CRISPLD2: variants seen among roughly 807,000 people sequenced by gnomAD.
CRISPLD2 encodes cysteine-rich secretory protein LCCL domain-containing 2.
Under a neutral mutation model 71.1 loss-of-function variants are expected in CRISPLD2, and 47 were observed. That is an observed-to-expected ratio of 0.66 (90% confidence interval 0.52 to 0.84). The LOEUF (loss-of-function observed/expected upper bound fraction) is 0.84, where lower values mean the gene tolerates loss of function less well. Ranked by LOEUF, CRISPLD2 falls within the 40% of genes least tolerant of loss-of-function variation. CRISPLD2 has a pLI of 0.00. For missense variants in CRISPLD2, 830 were observed against 651.1 expected, an observed-to-expected ratio of 1.27 and a Z score of -2.99; for synonymous variants, 317 against 250.1, an observed-to-expected ratio of 1.27 and a Z score of -2.52.
chr16:84,845,633 G>A (rs995055307), intron 2 of CRISPLD2, among the ~76,000 whole-genome samples, 153 bp from the exon 3 acceptor site: 1 of 152,204 alleles, frequency 6.6e-6, no homozygotes, highest in African/African-American at 2.4e-5. Flanking sequence ...GGCCTGCCAC[G>A]CCCCCCTGGC....
Position 84,889,217 on chromosome 16 carries a change from C to T in CRISPLD2, c.1306-13C>T, listed in dbSNP as rs376634604. On this transcript the variant is annotated splice_polypyrimidine_tract_variant and intron_variant, in intron 13 of 14. Transcript: ENST00000262424. ...ATCCGCATCGCTGATCACAGCCCTT[C>T]CTGTGCTTCCAGACCTCAAGCATCT... 6.8e-6 allele frequency: 11 copies of T among 1,613,908 alleles called. No individual in the cohort carries two copies. The highest frequency in any genetic ancestry group is 1.3e-5 in the African/African-American group (1 of 74,918).
intron 14 of CRISPLD2, among the ~76,000 whole-genome samples, chr16:84,891,726 C>T (rs1305181958): frequency 6.6e-6 from 1 of 152,176 alleles, no homozygotes; most frequent in Non-Finnish European, 1.5e-5. Context: ...GGGCTGGGGA[C>T]AGGGACCTCA....
At chr16:84,883,847 T>TC (rs1437835624) in intron 13 of CRISPLD2, among the ~76,000 whole-genome samples, 1 of 150,720 alleles carries the variant, frequency 6.6e-6, no homozygotes, top group Admixed American at 6.6e-5. Context: ...ATTTAATTTT[T>TC]TTTTTTTTTT....
chr16:84,850,897 A>G lies in CRISPLD2; in HGVS notation c.608+214A>G, dbSNP rs143273486. On this transcript the variant is annotated intron_variant, in intron 5 of 14. Coordinates refer to ENST00000262424, the MANE Select transcript of CRISPLD2 (RefSeq NM_031476.4). ...CTTCCTGCCGTACCATTCTCTCCTC[A>G]TGGTCCCAAGATGGCTGCACAGCAC... Among the ~76,000 whole-genome samples the G allele has an allele frequency of 2.5e-3, 377 of 151,896 alleles. 3 individuals carry two copies. Among genetic ancestry groups the G allele is most frequent in the Non-Finnish European group, 1.6e-3 (110 of 67,958 alleles).
chr16:84,884,414 G>T (rs755610346), intron 13 of CRISPLD2, among the ~76,000 whole-genome samples: 7 of 152,198 alleles, frequency 4.6e-5, no homozygotes, highest in Admixed American at 6.5e-5. Context: ...TATGACCTGT[G>T]ACCATCCCTG....
intron 13 of CRISPLD2, among the ~76,000 whole-genome samples, chr16:84,885,139 C>G (rs1156655695): frequency 6.6e-6 from 1 of 152,184 alleles, no homozygotes; most frequent in Non-Finnish European, 1.5e-5. Context: ...CTGCTCCAGC[C>G]CTCGGGTAGG....
chr16:84,897,094 G>T (rs1396106954), intron 14 of CRISPLD2, among the ~76,000 whole-genome samples: 3 of 152,214 alleles, frequency 2.0e-5, no homozygotes, highest in South Asian at 4.1e-4. Flanking sequence ...CCGTGCTTCT[G>T]GGGAGCTCTT....
chr16:84,826,836 C>T (rs1916364300), intron 1 of CRISPLD2, among the ~76,000 whole-genome samples: 2 of 151,772 alleles, frequency 1.3e-5, no homozygotes, highest in South Asian at 2.1e-4. Flanking sequence ...GCTGCTGAGC[C>T]GGGGCCCCAG....
chr16:84,867,562 G>C (rs1268417801), intron 7 of CRISPLD2, among the ~76,000 whole-genome samples: 3 of 152,188 alleles, frequency 2.0e-5, no homozygotes, highest in Non-Finnish European at 4.4e-5. Context: ...GATCATTGCA[G>C]AGTTGCCTAC....
chr16:84,825,906 G>A (rs1032976560), intron 1 of CRISPLD2, among the ~76,000 whole-genome samples: 11 of 152,050 alleles, frequency 7.2e-5, no homozygotes, highest in African/African-American at 2.2e-4. Flanking sequence ...GCAGTGAGCA[G>A]TGTTCACGCC....
chr16:84,855,232 T>A (rs1388122590), intron 6 of CRISPLD2, among the ~76,000 whole-genome samples: 1 of 152,160 alleles, frequency 6.6e-6, no homozygotes, highest in Non-Finnish European at 1.5e-5. Context: ...GAGGACCATA[T>A]GAGGCCATGT....
intron 6 of CRISPLD2, among the ~76,000 whole-genome samples, chr16:84,860,081 G>A (rs1388179651): frequency 2.0e-5 from 1 of 50,210 alleles, no homozygotes; most frequent in Non-Finnish European, 3.9e-5. Context: ...ATCTCCCTAA[G>A]CCTTTGGATC....
Position 84,845,935 on chromosome 16 carries a change from G to GCAGGACC in CRISPLD2, c.359+33_359+39dup, listed in dbSNP as rs200531361. On this transcript the variant is annotated intron_variant, in intron 3 of 14. Coordinates refer to ENST00000262424, the MANE Select transcript of CRISPLD2 (RefSeq NM_031476.4). ...AGCCACAAGTTCCTCTCCGGCTGCC[G>GCAGGACC]CAGGACCCCACTGCCGTGTGCCGGG... 1.4e-3 allele frequency: 2,051 copies of GCAGGACC among 1,446,488 alleles called. 20 individuals are homozygous for GCAGGACC. The African/African-American group carries it at 0.023, about 16-fold the overall frequency. 89.6% of individuals were successfully genotyped at this position (1,446,488 alleles called of 1,614,324 possible).
intron 14 of CRISPLD2, among the ~76,000 whole-genome samples, chr16:84,900,081 C>T (rs1309118522): frequency 5.9e-5 from 9 of 152,048 alleles, no homozygotes; most frequent in Admixed American, 5.2e-4. Flanking sequence ...CAGCCCCTGG[C>T]CACTCTTTCT....
At chr16:84,837,803 C>T (rs8047416) in intron 1 of CRISPLD2, among the ~76,000 whole-genome samples, 19,700 of 152,064 alleles carry the variant, frequency 0.13, 1,479 homozygotes, top group Middle Eastern at 0.25. Flanking sequence ...CATAAACGAC[C>T]GGCCTGTGTA....
chr16:84,892,602 G>A (rs145800265), intron 14 of CRISPLD2, among the ~76,000 whole-genome samples: 1,707 of 152,208 alleles, frequency 0.011, 9 homozygotes, highest in South Asian at 0.037. Flanking sequence ...TCCTGAGCCC[G>A]TTTGGAGATG....
chr16:84,901,268 G>T, intron 14 of CRISPLD2, among the ~76,000 whole-genome samples: 1 of 152,078 alleles, frequency 6.6e-6, no homozygotes. Context: ...AAAAATGGGT[G>T]AGGGAAAAAA....
chr16:84,899,860 A>G (rs1025326772), intron 14 of CRISPLD2, among the ~76,000 whole-genome samples: 2 of 152,170 alleles, frequency 1.3e-5, no homozygotes, highest in African/African-American at 4.8e-5. Context: ...GCAGACCCAT[A>G]GTAAGTCAGG....
intron 1 of CRISPLD2, among the ~76,000 whole-genome samples, chr16:84,826,684 T>C (rs574993179): frequency 6.8e-4 from 103 of 152,250 alleles, no homozygotes; most frequent in Admixed American, 1.3e-3. Flanking sequence ...CAGCTGGGCC[T>C]TGGCATCGCA....
Sources: gnomAD v4.1 joint callset for allele counts (sites outside exome capture counted in the v4.1 genomes callset) on GRCh38, gnomAD v4.1.1 for gene constraint, MANE v1.5 for transcripts, NCBI Gene and HGNC (gene_info 2026-07-23, HGNC 2026-07-21) for gene names.